HDX: variants seen among roughly 807,000 people sequenced by gnomAD.
The protein encoded by HDX is chromosome X open reading frame 43.
Under a neutral mutation model 45.2 loss-of-function variants are expected in HDX, and 19 were observed. The ratio of observed to expected loss-of-function variants is 0.42; its 90% CI spans 0.29 to 0.62. HDX has a LOEUF of 0.62. Ranked by LOEUF, HDX falls within the 20% of genes least tolerant of loss-of-function variation. The probability of loss-of-function intolerance (pLI) is 0.20; values close to 1 mark genes in which losing one functional copy is unlikely to be tolerated. For synonymous variants in HDX, 188 were observed against 172.8 expected, an observed-to-expected ratio of 1.09 and a Z score of -0.69; for missense variants, 532 against 493.9, an observed-to-expected ratio of 1.08 and a Z score of -0.73.
intron 5 of HDX, among the ~76,000 whole-genome samples, chrX:84,399,961 C>A (rs1421902429): frequency 9.0e-6 from 1 of 111,541 alleles, no homozygotes; most frequent in African/African-American, 3.3e-5. Flanking sequence ...ATGACAAAAA[C>A]CACATTAATA....
chrX:84,368,535 AC>A (rs1191966108), intron 5 of HDX, among the ~76,000 whole-genome samples: 4 of 112,099 alleles, frequency 3.6e-5, no homozygotes, highest in African/African-American at 1.3e-4. Context: ...CTCTTATGTG[AC>A]TTTTTCTGGG....
At chrX:84,378,989 A>G (rs996969370) in intron 5 of HDX, among the ~76,000 whole-genome samples, 2 of 110,797 alleles carry the variant, frequency 1.8e-5, no homozygotes, top group Non-Finnish European at 3.8e-5. Context: ...ATGGAAACCA[A>G]AAAAGATTAG....
chrX:84,494,761 G>C (rs1469660222), intron 1 of HDX, among the ~76,000 whole-genome samples: 2 of 111,675 alleles, frequency 1.8e-5, no homozygotes, highest in Non-Finnish European at 1.9e-5. Flanking sequence ...CAGTCATTAT[G>C]GAAAACAGTA....
chrX:84,466,855 A>T (rs1010741263), intron 4 of HDX, among the ~76,000 whole-genome samples: 5 of 111,788 alleles, frequency 4.5e-5, no homozygotes, highest in African/African-American at 1.3e-4. Flanking sequence ...TGAAATATGG[A>T]TAAAATGCCT....
intron 5 of HDX, among the ~76,000 whole-genome samples, chrX:84,437,449 C>G (rs1306726356): frequency 9.0e-6 from 1 of 111,189 alleles, no homozygotes; most frequent in Non-Finnish European, 1.9e-5. Context: ...AAACATTTTG[C>G]AGGCAGTCAC....
chrX:84,340,877 T>G (rs765615990), intron 7 of HDX, among the ~76,000 whole-genome samples: 15 of 111,480 alleles, frequency 1.3e-4, no homozygotes, highest in African/African-American at 4.9e-4. Flanking sequence ...ATTCTCTTTC[T>G]TCTTTTTCTC....
chrX:84,341,667 G>A (rs1173037924), intron 7 of HDX, among the ~76,000 whole-genome samples: 4 of 108,534 alleles, frequency 3.7e-5, no homozygotes, highest in Admixed American at 2.0e-4. Flanking sequence ...ATGAGACCAC[G>A]AGACTACTGA....
intron 6 of HDX, among the ~76,000 whole-genome samples, chrX:84,345,251 A>T (rs2037173584): frequency 9.0e-6 from 1 of 111,656 alleles, no homozygotes. Flanking sequence ...CAGGAAATTG[A>T]TACTGTACAA....
intron 9 of HDX, among the ~76,000 whole-genome samples, chrX:84,328,437 A>G (rs1339187222): frequency 1.8e-5 from 2 of 111,484 alleles, no homozygotes; most frequent in Non-Finnish European, 1.9e-5. Context: ...GAAAATAAAA[A>G]TAAAACCACA....
At chrX:84,432,022 G>A (rs939006980) in intron 5 of HDX, among the ~76,000 whole-genome samples, 2 of 109,751 alleles carry the variant, frequency 1.8e-5, no homozygotes, top group African/African-American at 6.6e-5. Flanking sequence ...TATTGTATAA[G>A]AAAGGATTCC....
intron 6 of HDX, among the ~76,000 whole-genome samples, chrX:84,348,587 A>G (rs1214464474): frequency 1.8e-5 from 2 of 111,526 alleles, no homozygotes; most frequent in East Asian, 5.7e-4. Flanking sequence ...AACGTGATGT[A>G]CTGGGTTAAA....
intron 6 of HDX, among the ~76,000 whole-genome samples, chrX:84,351,390 C>T (rs945357063): frequency 3.6e-5 from 4 of 110,212 alleles, no homozygotes; most frequent in Non-Finnish European, 7.6e-5. Flanking sequence ...TTTTGCTTTG[C>T]GGAGGTGGGG....
At chrX:84,482,091 C>T (rs2040693378) in intron 2 of HDX, among the ~76,000 whole-genome samples, 1 of 111,678 alleles carries the variant, frequency 9.0e-6, no homozygotes, top group African/African-American at 3.3e-5. Context: ...TGTATATGTA[C>T]CACATTTTCT....
At chrX:84,430,174 G>A (rs1229482508) in intron 5 of HDX, among the ~76,000 whole-genome samples, 3 of 110,230 alleles carry the variant, frequency 2.7e-5, no homozygotes, top group South Asian at 7.5e-4. Context: ...CATCCCTTTC[G>A]CTTTACTATT....
chrX:84,413,913 T>C (rs2039044085), intron 5 of HDX, among the ~76,000 whole-genome samples: 1 of 111,577 alleles, frequency 9.0e-6, no homozygotes, highest in Middle Eastern at 4.8e-3. Flanking sequence ...ACCTTTTTGC[T>C]TTTATTTGCC....
intron 2 of HDX, among the ~76,000 whole-genome samples, chrX:84,478,692 A>AT (rs947735432): frequency 1.7e-4 from 18 of 107,850 alleles, no homozygotes; most frequent in Middle Eastern, 4.3e-3. Flanking sequence ...CACCTCTACA[A>AT]TTTTTTTTTA....
chrX:84,479,096 C>A lies in HDX; in HGVS notation c.1-3699G>T, dbSNP rs143479748. On this transcript the variant is annotated intron_variant, in intron 2 of 10. Transcript: ENST00000373177. ...TATTATTCACTTCTAAACTTACATA[C>A]AGTAAAATTCACTCTTTTTCATGTA... is the stretch of plus-strand genomic sequence containing the variant. Among the ~76,000 whole-genome samples, 452 of 111,548 alleles carry A rather than the reference C, an allele frequency of 4.1e-3. 10 individuals are homozygous for A. Among genetic ancestry groups the A allele is most frequent in the Admixed American group, 0.04 (413 of 10,450 alleles).
chrX:84,396,895 A>G (rs2147944652), intron 5 of HDX, among the ~76,000 whole-genome samples: 1 of 111,313 alleles, frequency 9.0e-6, no homozygotes, highest in East Asian at 2.9e-4. Context: ...AGTGGTGCAT[A>G]CTGACATTGG....
intron 5 of HDX, among the ~76,000 whole-genome samples, chrX:84,422,375 A>G (rs1187562333): frequency 1.8e-5 from 2 of 111,552 alleles, no homozygotes; most frequent in Non-Finnish European, 3.8e-5. Context: ...CAGGAAAAGC[A>G]GTATTAAGAG....
Sources: allele counts gnomAD v4.1 joint callset (sites outside exome capture counted in the v4.1 genomes callset), GRCh38; gene constraint gnomAD v4.1.1; transcripts MANE v1.5; gene names NCBI Gene and HGNC (gene_info 2026-07-23, HGNC 2026-07-21).